Variants in COMMD10 observed in about 807,000 individuals in gnomAD.
COMMD10 encodes the protein COMM domain containing 10, also known as COMM domain-containing protein 10.
In COMMD10, 33 loss-of-function variants were observed where a neutral mutation model predicts 28.9. The observed-to-expected ratio is 1.14, with a 90% CI of 0.87 to 1.53. The LOEUF (loss-of-function observed/expected upper bound fraction) is 1.53, where lower values mean the gene tolerates loss of function less well. Among genes scored for constraint, COMMD10 ranks in the 40% most tolerant of loss-of-function variants. The pLI is 0.00. For missense variants in COMMD10, 310 were observed against 233.4 expected (o/e 1.33, Z -2.14); for synonymous variants, 110 against 81.7 (o/e 1.35, Z -1.87).
chr5:116,131,707 C>T (rs1751868387), intron 4 of COMMD10, among the ~76,000 whole-genome samples: 1 of 151,912 alleles, frequency 6.6e-6, no homozygotes, highest in African/African-American at 2.4e-5. Flanking sequence ...GCACTCTACT[C>T]TGAGGAGATA....
Position 116,291,581 on chromosome 5 carries a change from G to T in COMMD10, c.570+5G>T. The T allele has an allele frequency of 6.6e-7, 1 of 1,508,046 alleles. No individual in the cohort carries two copies. Among genetic ancestry groups the T allele is most frequent in the Non-Finnish European group, 9.1e-7 (1 of 1,103,570 alleles). The allele number at this position is 1,508,046 out of a possible 1,614,324, so 93.4% of individuals were successfully genotyped here. ...TTGTTTGATTTCTATAACAAGGTCT[G>T]TATTTTTAAAATAATTTTCTAATAT... is the stretch of plus-strand genomic sequence containing the variant. On this transcript the variant is annotated splice_donor_5th_base_variant and intron_variant, in intron 6 of 6. Transcript: ENST00000274458.
At chr5:116,133,797 T>G (rs1004664896) in intron 4 of COMMD10, among the ~76,000 whole-genome samples, 9 of 152,320 alleles carry the variant, frequency 5.9e-5, no homozygotes, top group African/African-American at 2.2e-4. Flanking sequence ...TTTAATATAT[T>G]TCATTGCTTG....
chr5:116,136,286 C>T (rs953278361), intron 5 of COMMD10, among the ~76,000 whole-genome samples: 6 of 152,080 alleles, frequency 3.9e-5, no homozygotes, highest in Non-Finnish European at 5.9e-5. Flanking sequence ...TAAGTTATTC[C>T]TTTAGGTGTA....
At chr5:116,134,926 T>G (rs1580476741) in intron 5 of COMMD10, among the ~76,000 whole-genome samples, 1 of 116,362 alleles carries the variant, frequency 8.6e-6, no homozygotes, top group Non-Finnish European at 2.0e-5. Context: ...CGGCCTACAA[T>G]TTTTTTTATA....
intron 5 of COMMD10, among the ~76,000 whole-genome samples, chr5:116,184,189 A>T (rs979897869): frequency 6.7e-6 from 1 of 148,198 alleles, no homozygotes; most frequent in Non-Finnish European, 1.5e-5. Flanking sequence ...AAAAGGACAG[A>T]CATTTCTATG....
intron 5 of COMMD10, among the ~76,000 whole-genome samples, chr5:116,162,793 A>G (rs1363059713): frequency 2.0e-5 from 3 of 152,208 alleles, no homozygotes; most frequent in Non-Finnish European, 4.4e-5. Context: ...TGTCTCCATC[A>G]GTGTTGGGTT....
chr5:116,244,129 G>C (rs900043440), intron 5 of COMMD10, among the ~76,000 whole-genome samples: 2 of 151,458 alleles, frequency 1.3e-5, no homozygotes, highest in African/African-American at 4.9e-5. Flanking sequence ...TGATAGTACA[G>C]AGAAATGGAT....
chr5:116,206,891 G>A (rs1417506497), intron 5 of COMMD10, among the ~76,000 whole-genome samples: 1 of 152,066 alleles, frequency 6.6e-6, no homozygotes, highest in Non-Finnish European at 1.5e-5. Flanking sequence ...TGGATTGGTA[G>A]GCATTAGGAA....
chr5:116,288,136 TG>T (rs1751268213), intron 5 of COMMD10, among the ~76,000 whole-genome samples: 2 of 152,012 alleles, frequency 1.3e-5, no homozygotes, highest in African/African-American at 4.8e-5. Flanking sequence ...TGAACTCCCA[TG>T]GCTTTTCTTT....
chr5:116,116,363 T>G (rs979831468), intron 4 of COMMD10, among the ~76,000 whole-genome samples: 5 of 152,320 alleles, frequency 3.3e-5, no homozygotes, highest in East Asian at 1.9e-4. Context: ...CTATGGATGG[T>G]CGAATGGCTT....
chr5:116,260,268 A>G (rs1182827264), intron 5 of COMMD10, among the ~76,000 whole-genome samples: 1 of 151,726 alleles, frequency 6.6e-6, no homozygotes, highest in Non-Finnish European at 1.5e-5. Context: ...TGTTTAATGA[A>G]TTTAGAAAGG....
chr5:116,096,687 G>A (rs539007055), intron 4 of COMMD10, among the ~76,000 whole-genome samples: 34 of 152,086 alleles, frequency 2.2e-4, no homozygotes, highest in African/African-American at 7.2e-4. Context: ...AAGCATTCAG[G>A]CTCTTATCAT....
At chr5:116,153,008 A>G (rs558641278) in intron 5 of COMMD10, among the ~76,000 whole-genome samples, 1 of 152,218 alleles carries the variant, frequency 6.6e-6, no homozygotes, top group South Asian at 2.1e-4. Context: ...TTAGATTGGC[A>G]TGGTAGTAAC....
chr5:116,177,904 G>A (rs1490105490), intron 5 of COMMD10, among the ~76,000 whole-genome samples: 3 of 151,812 alleles, frequency 2.0e-5, no homozygotes, highest in Non-Finnish European at 4.4e-5. Context: ...GCACATAGTG[G>A]GTGCTTAATA....
chr5:116,287,494 CAG>C (rs1751249251), intron 5 of COMMD10, among the ~76,000 whole-genome samples: 1 of 151,686 alleles, frequency 6.6e-6, no homozygotes, highest in South Asian at 2.1e-4. Flanking sequence ...CTCTTGTAAA[CAG>C]GGTATAGTTG....
intron 5 of COMMD10, among the ~76,000 whole-genome samples, chr5:116,163,810 A>AT (rs1753002459): frequency 4.6e-5 from 7 of 152,136 alleles, no homozygotes; most frequent in Admixed American, 3.9e-4. Context: ...ATGAAATTAT[A>AT]TGTCTTTTTT....
chr5:116,180,236 T>C (rs1260859864), intron 5 of COMMD10, among the ~76,000 whole-genome samples: 1 of 152,152 alleles, frequency 6.6e-6, no homozygotes, highest in Non-Finnish European at 1.5e-5. Context: ...AATGGAATAA[T>C]ACGTACATTC....
At chr5:116,272,544 C>T (rs147176353) in intron 5 of COMMD10, among the ~76,000 whole-genome samples, 1 of 151,902 alleles carries the variant, frequency 6.6e-6, no homozygotes, top group South Asian at 2.1e-4. Context: ...AACACTGTTG[C>T]CATAGCCTTT....
At chr5:116,203,037 T>G (rs1213603246) in intron 5 of COMMD10, among the ~76,000 whole-genome samples, 1 of 151,996 alleles carries the variant, frequency 6.6e-6, no homozygotes, top group East Asian at 1.9e-4. Context: ...ATTTAAGTCT[T>G]GAATCCATCT....
Sources: gnomAD v4.1 joint callset for allele counts (sites outside exome capture counted in the v4.1 genomes callset) on GRCh38, gnomAD v4.1.1 for gene constraint, MANE v1.5 for transcripts, NCBI Gene and HGNC (gene_info 2026-07-23, HGNC 2026-07-21) for gene names.